The following PIK3CA variants were observed in gnomAD, a reference collection of about 807,000 sequenced individuals.
PIK3CA encodes phosphatidylinositol-4,5-bisphosphate 3-kinase catalytic subunit alpha.
PIK3CA carries 27 observed loss-of-function variants against 138.2 expected under a neutral mutation model. That is an observed-to-expected ratio of 0.20 (90% confidence interval 0.14 to 0.27). The LOEUF (loss-of-function observed/expected upper bound fraction) is 0.27. Among genes scored for constraint, PIK3CA ranks in the 10% least tolerant of loss-of-function variants. The pLI, the probability that PIK3CA is intolerant of heterozygous loss-of-function variation, is 1.00. For synonymous variants in PIK3CA, 358 were observed against 413.2 expected (o/e 0.87, Z 1.62); for missense variants, 544 against 1,277.4 (o/e 0.43, Z 8.75).
At chr3:179,159,661 TA>T (rs1333552730) in intron 1 of PIK3CA, among the ~76,000 whole-genome samples, 1 of 152,076 alleles carries the variant, frequency 6.6e-6, no homozygotes, top group Non-Finnish European at 1.5e-5. Flanking sequence ...CAGTCAAACA[TA>T]AAAACGTGAC....
chr3:179,160,847 C>T (rs1723261426), intron 1 of PIK3CA, among the ~76,000 whole-genome samples: 1 of 151,978 alleles, frequency 6.6e-6, no homozygotes, highest in Non-Finnish European at 1.5e-5. Context: ...TTTGTTTGCA[C>T]ATACTCATTT....
At chr3:179,151,318 A>G (rs548416011) in intron 1 of PIK3CA, among the ~76,000 whole-genome samples, 2 of 152,274 alleles carry the variant, frequency 1.3e-5, no homozygotes, top group African/African-American at 2.4e-5. Flanking sequence ...GACTCCTTTC[A>G]CTGTATCATG....
At chr3:179,160,516 G>A (rs918924933) in intron 1 of PIK3CA, among the ~76,000 whole-genome samples, 1 of 152,204 alleles carries the variant, frequency 6.6e-6, no homozygotes, top group East Asian at 1.9e-4. Flanking sequence ...TGCTGGAAGA[G>A]AAACTGCTGT....
At position 179,199,885 on chromosome 3, in the gene PIK3CA, A is replaced by G. The variant is rs767439253; in HGVS notation, c.548A>G (p.Asn183Ser). 5.8e-5 allele frequency: 92 copies of G among 1,586,624 alleles called. 2 individuals carry two copies. The South Asian group carries it at 9.4e-4, about 16-fold the overall frequency. Residue 183 changes from asparagine to serine, a missense_variant, in exon 3 of 21, where the codon AAT becomes AGT. Asn to Ser is a conservative substitution (Grantham distance 46). Around this residue, in one of 14 missense-constraint regions of PIK3CA, gnomAD observed 234 missense variants for 401.3 expected, o/e 0.58. Coordinates refer to ENST00000263967, the MANE Select transcript of PIK3CA (RefSeq NM_006218.4). ...SSPELPKHIY[N>S]KLDKGQIIVV... ...CCAGAATTGCCAAAGCACATATATA[A>G]TAAATTAGATAAAGGTAAGAAAATG...
At chr3:179,203,219 C>T (rs1285221285) in intron 4 of PIK3CA, among the ~76,000 whole-genome samples, 2 of 152,080 alleles carry the variant, frequency 1.3e-5, no homozygotes, top group Non-Finnish European at 2.9e-5. Context: ...GGATTACAGG[C>T]GTGAGCCACC....
chr3:179,191,960 A>T (rs1201141719), intron 1 of PIK3CA, among the ~76,000 whole-genome samples: 1 of 152,216 alleles, frequency 6.6e-6, no homozygotes, highest in South Asian at 2.1e-4. Context: ...TATTTTAAAC[A>T]TAATACACTT....
chr3:179,169,892 G>A (rs1375450926), intron 1 of PIK3CA, among the ~76,000 whole-genome samples: 1 of 152,166 alleles, frequency 6.6e-6, no homozygotes, highest in Non-Finnish European at 1.5e-5. Context: ...AGCAGATTCA[G>A]TAGTTTGTTA....
At chr3:179,224,039 T>C in intron 14 of PIK3CA, 42 bp from the exon 15 acceptor site, 1 of 1,065,430 alleles carries the variant, frequency 9.4e-7, no homozygotes, top group Admixed American at 1.7e-5. Flanking sequence ...TATCTTTTAT[T>C]AAGTCAGTTT....
chr3:179,158,008 C>A (rs978500611), intron 1 of PIK3CA, among the ~76,000 whole-genome samples: 1 of 152,098 alleles, frequency 6.6e-6, no homozygotes, highest in African/African-American at 2.4e-5. Flanking sequence ...CAGTAAGTAT[C>A]TGTGAACTCC....
chr3:179,165,958 A>G (rs183347722), intron 1 of PIK3CA, among the ~76,000 whole-genome samples: 273 of 152,256 alleles, frequency 1.8e-3, no homozygotes, highest in Non-Finnish European at 3.1e-3. Context: ...CCTCTTCTGT[A>G]TTTCCATAGC....
At chr3:179,202,356 C>T (rs1407880713) in intron 4 of PIK3CA, among the ~76,000 whole-genome samples, 2 of 152,236 alleles carry the variant, frequency 1.3e-5, no homozygotes, top group Non-Finnish European at 2.9e-5. Flanking sequence ...AGGCGTGAGC[C>T]ATTGCGCCCA....
chr3:179,211,362 G>A (rs1241358832), intron 9 of PIK3CA, among the ~76,000 whole-genome samples: 1 of 152,126 alleles, frequency 6.6e-6, no homozygotes, highest in African/African-American at 2.4e-5. Flanking sequence ...CTCAAGCATT[G>A]CATATATCCA....
Position 179,188,176 on chromosome 3 carries a change from A to G in PIK3CA, c.-76-10574A>G, listed in dbSNP as rs1005936680. Among the ~76,000 whole-genome samples, 4 of 152,170 alleles carry G rather than the reference A, an allele frequency of 2.6e-5. No homozygotes were observed. In the East Asian group the frequency reaches 7.7e-4, roughly 29 times the overall value. ...TACACATTCTTCTCTTTGCTACTAT[A>G]TGTTAAATAATCTGGAGATTTCCAT... On this transcript the variant is annotated intron_variant, in intron 1 of 20. Transcript: ENST00000263967.
intron 1 of PIK3CA, among the ~76,000 whole-genome samples, chr3:179,187,760 C>T (rs1724028308): frequency 6.6e-6 from 1 of 151,334 alleles, no homozygotes; most frequent in Admixed American, 6.6e-5. Context: ...GCCTCAGTCG[C>T]CCGAGTAGCT....
chr3:179,175,750 G>GT (rs1723682052), intron 1 of PIK3CA, among the ~76,000 whole-genome samples: 1 of 147,544 alleles, frequency 6.8e-6, no homozygotes, highest in African/African-American at 2.5e-5. Flanking sequence ...GGTCTTATTG[G>GT]TTCCTCTGCA....
At chr3:179,171,630 G>A (rs1723561462) in intron 1 of PIK3CA, among the ~76,000 whole-genome samples, 1 of 152,012 alleles carries the variant, frequency 6.6e-6, no homozygotes, top group Non-Finnish European at 1.5e-5. Context: ...AACCAATTTG[G>A]CAACTTAGAT....
In PIK3CA at chr3:179,166,186, A is replaced by G. The variant is rs76331180; in HGVS notation, c.-77+17583A>G. Among the ~76,000 whole-genome samples, 256 of 152,344 alleles carry G rather than the reference A, an allele frequency of 1.7e-3. 6 individuals carry two copies. The East Asian group carries it at 0.042, about 25-fold the overall frequency. On this transcript the variant is annotated intron_variant, in intron 1 of 20. Transcript: ENST00000263967. ...ATTAGTCCCATTTTCAGTGAGGAAAATGATATCTTGAGAAATTAAGTATTT... is the reference window on the plus strand; with the variant it reads ...ATTAGTCCCATTTTCAGTGAGGAAAGTGATATCTTGAGAAATTAAGTATTT...
chr3:179,190,592 C>T (rs1159450086), intron 1 of PIK3CA, among the ~76,000 whole-genome samples: 1 of 152,120 alleles, frequency 6.6e-6, no homozygotes, highest in Admixed American at 6.5e-5. Flanking sequence ...TGTTCCAAAT[C>T]AGACTAAAGA....
chr3:179,183,817 C>T (rs1356986383), intron 1 of PIK3CA, among the ~76,000 whole-genome samples: 1 of 152,168 alleles, frequency 6.6e-6, no homozygotes, highest in East Asian at 1.9e-4. Context: ...AACAAGGATA[C>T]TCAGTACATC....
Sources: allele counts gnomAD v4.1 joint callset (sites outside exome capture counted in the v4.1 genomes callset), GRCh38; gene constraint gnomAD v4.1.1; regional missense constraint gnomAD v4.1.1; transcripts MANE v1.5; gene names NCBI Gene and HGNC (gene_info 2026-07-23, HGNC 2026-07-21).